The following RASGRF2 variants were observed in gnomAD, a reference collection of about 807,000 sequenced individuals.
RASGRF2 encodes Ras protein specific guanine nucleotide releasing factor 2.
RASGRF2 carries 76 observed loss-of-function variants against 151.0 expected under a neutral mutation model. The observed-to-expected ratio is 0.50, with a 90% CI of 0.42 to 0.61. RASGRF2 has a LOEUF of 0.61. Ranked by LOEUF, RASGRF2 falls within the 20% of genes least tolerant of loss-of-function variation. The pLI is 0.00. For missense variants in RASGRF2, 1,148 were observed against 1,564.6 expected, an observed-to-expected ratio of 0.73 and a Z score of 4.49; for synonymous variants, 504 against 566.5, an observed-to-expected ratio of 0.89 and a Z score of 1.57.
chr5:81,140,057 G>A (rs754694345), intron 17 of RASGRF2, among the ~76,000 whole-genome samples: 7 of 152,126 alleles, frequency 4.6e-5, no homozygotes, highest in East Asian at 1.9e-4. Context: ...TCCAACCCCC[G>A]TCCTTAAGTG....
At chr5:81,019,145 A>T (rs1297148608) in intron 1 of RASGRF2, among the ~76,000 whole-genome samples, 1 of 152,218 alleles carries the variant, frequency 6.6e-6, no homozygotes, top group Non-Finnish European at 1.5e-5. Flanking sequence ...TCTGACTGGG[A>T]TGGATGGTCA....
chr5:81,072,818 A>T (rs1751818430), intron 4 of RASGRF2, among the ~76,000 whole-genome samples: 1 of 152,188 alleles, frequency 6.6e-6, no homozygotes, highest in Admixed American at 6.5e-5. Flanking sequence ...AATAACTGGG[A>T]CTACAGGCCT....
At chr5:81,100,122 T>A (rs1752660864) in intron 12 of RASGRF2, among the ~76,000 whole-genome samples, 1 of 152,074 alleles carries the variant, frequency 6.6e-6, no homozygotes, top group South Asian at 2.1e-4. Context: ...TTAGCCAGGA[T>A]GGTCTCAATC....
chr5:80,990,037 G>A (rs1348935649), intron 1 of RASGRF2, among the ~76,000 whole-genome samples: 1 of 152,100 alleles, frequency 6.6e-6, no homozygotes, highest in Non-Finnish European at 1.5e-5. Flanking sequence ...GGCTGCCAAG[G>A]TGGAGAGGGC....
chr5:81,117,675 T>C (rs1753197135), intron 15 of RASGRF2, among the ~76,000 whole-genome samples: 1 of 152,138 alleles, frequency 6.6e-6, no homozygotes, highest in Non-Finnish European at 1.5e-5. Flanking sequence ...TCTTAACTTG[T>C]TTTGGCATCA....
chr5:81,103,498 G>A (rs1752759467), intron 12 of RASGRF2, among the ~76,000 whole-genome samples: 1 of 152,016 alleles, frequency 6.6e-6, no homozygotes, highest in Non-Finnish European at 1.5e-5. Flanking sequence ...AATGAGAATT[G>A]CAGAAAGAAA....
At chr5:81,099,970 T>G (rs1014802966) in intron 12 of RASGRF2, among the ~76,000 whole-genome samples, 3 of 148,262 alleles carry the variant, frequency 2.0e-5, no homozygotes, top group Non-Finnish European at 4.5e-5. Context: ...TGCAGTGGCA[T>G]GATCTCGGCT....
intron 2 of RASGRF2, among the ~76,000 whole-genome samples, chr5:81,065,600 G>A (rs1014136211): frequency 6.6e-6 from 1 of 152,102 alleles, no homozygotes; most frequent in Non-Finnish European, 1.5e-5. Flanking sequence ...ATATTCTAAA[G>A]GTACTTGTTT....
At chr5:81,143,111 G>A (rs1389596713) in intron 17 of RASGRF2, among the ~76,000 whole-genome samples, 1 of 152,106 alleles carries the variant, frequency 6.6e-6, no homozygotes, top group African/African-American at 2.4e-5. Context: ...CTGAACATAG[G>A]ACTTCTGATT....
chr5:81,174,826 G>C (rs1213868091), intron 17 of RASGRF2, among the ~76,000 whole-genome samples: 1 of 152,164 alleles, frequency 6.6e-6, no homozygotes, highest in Non-Finnish European at 1.5e-5. Context: ...TAAAATCCAT[G>C]ACAATATGAA....
chr5:81,113,560 A>G lies in RASGRF2; in HGVS notation c.2110A>G (p.Thr704Ala). The change falls in exon 15 of 27, where the codon ACC (threonine) becomes GCC (alanine). Residue 704 changes from threonine (T) to alanine (A), a missense_variant. Transcript: ENST00000265080. Reference protein sequence around the residue: ...PVRSLELFFATSQNNRGEHLV... With the variant: ...PVRSLELFFAASQNNRGEHLV... ...TAGGTCATTGGAATTGTTTTTTGCT[A>G]CCAGCCAGAACAACAGAGGTGAACA... The G allele has an allele frequency of 6.2e-7, 1 of 1,610,618 alleles. No individual in the cohort carries two copies. Among genetic ancestry groups the G allele is most frequent in the Middle Eastern group, 1.7e-4 (1 of 6,050 alleles).
At chr5:81,004,217 A>G (rs1749189881) in intron 1 of RASGRF2, among the ~76,000 whole-genome samples, 1 of 152,236 alleles carries the variant, frequency 6.6e-6, no homozygotes, top group African/African-American at 2.4e-5. Flanking sequence ...TAAAGTTCCC[A>G]CTTGCTGCTA....
intron 1 of RASGRF2, among the ~76,000 whole-genome samples, chr5:80,982,656 A>C (rs1174068860): frequency 6.7e-6 from 1 of 150,312 alleles, no homozygotes; most frequent in East Asian, 2.0e-4. Context: ...GCTGGAGTGC[A>C]GTGGCACAAT....
Position 81,127,146 on chromosome 5 carries a change from G to T in RASGRF2, c.2669G>T (p.Gly890Val), listed in dbSNP as rs542563671. The T allele has an allele frequency of 2.5e-6, 4 of 1,613,986 alleles. No individual in the cohort carries two copies. In the African/African-American group the frequency reaches 5.3e-5, roughly 22 times the overall value. The change falls in exon 17 of 27, where the codon GGA becomes GTA. Residue 890 changes from glycine to valine, a missense_variant. Gly to Val is a moderately radical substitution (Grantham distance 109). Coordinates refer to ENST00000265080, the MANE Select transcript of RASGRF2 (RefSeq NM_006909.3). ...TTTGCAATAGCCACAGCTGCAGCAG[G>T]ACATGGGAGTCCACCAGGTGAGTAG... ...SAFAIATAAA[G>V]HGSPPGFNNT...
chr5:81,126,718 T>A (rs1352309205), intron 16 of RASGRF2, among the ~76,000 whole-genome samples: 1 of 152,246 alleles, frequency 6.6e-6, no homozygotes, highest in Non-Finnish European at 1.5e-5. Context: ...AGTTTATCCA[T>A]GTTCTAGCAT....
At chr5:81,011,548 C>A (rs1362181583) in intron 1 of RASGRF2, among the ~76,000 whole-genome samples, 1 of 152,072 alleles carries the variant, frequency 6.6e-6, no homozygotes, top group Non-Finnish European at 1.5e-5. Flanking sequence ...TTGAGACTAG[C>A]CTGACTAACA....
rs1201881172 is a variant in RASGRF2 at position 81,040,640 on chromosome 5, A to C, written c.289-2237A>C. ...CACAGGGCCAAGACCATGGGGGCCA[A>C]GGCCCCCACCCCCTTGGATGTTAGA... On this transcript the variant is annotated intron_variant, in intron 1 of 26. Coordinates refer to ENST00000265080, the MANE Select transcript of RASGRF2 (RefSeq NM_006909.3). Among the ~76,000 whole-genome samples, 3 of 152,162 alleles carry C rather than the reference A, an allele frequency of 2.0e-5. No homozygotes were observed. In the East Asian group the frequency reaches 5.8e-4, roughly 29 times the overall value.
At chr5:81,101,859 A>G (rs1334761525) in intron 12 of RASGRF2, among the ~76,000 whole-genome samples, 4 of 152,184 alleles carry the variant, frequency 2.6e-5, no homozygotes, top group African/African-American at 4.8e-5. Context: ...ATGCTTGACA[A>G]TGACTCAGAA....
intron 9 of RASGRF2, chr5:81,087,700 G>A: frequency 3.0e-6 from 1 of 330,900 alleles, no homozygotes; most frequent in South Asian, 8.3e-5. Context: ...CTCTGGGGGA[G>A]GGGAGAATGC....
Sources: gnomAD v4.1 joint callset for allele counts (sites outside exome capture counted in the v4.1 genomes callset) on GRCh38, gnomAD v4.1.1 for gene constraint, MANE v1.5 for transcripts, NCBI Gene and HGNC (gene_info 2026-07-23, HGNC 2026-07-21) for gene names.